Variants in PCCA observed in about 807,000 individuals in gnomAD.
PCCA encodes propionyl-CoA carboxylase alpha chain, mitochondrial.
In PCCA, 74 loss-of-function variants were observed where a neutral mutation model predicts 101.3. The observed-to-expected ratio is 0.73, with a 90% CI of 0.61 to 0.89. The LOEUF (loss-of-function observed/expected upper bound fraction) is 0.89, where lower values mean the gene tolerates loss of function less well. PCCA is among the 40% of genes least tolerant of loss of function. The pLI is 0.00. For synonymous variants in PCCA, 294 were observed against 313.6 expected (o/e 0.94, Z 0.66); for missense variants, 891 against 907.0 (o/e 0.98, Z 0.23).
At chr13:100,234,727 G>T (rs1208769471) in intron 7 of PCCA, among the ~76,000 whole-genome samples, 1 of 151,354 alleles carries the variant, frequency 6.6e-6, no homozygotes, top group Non-Finnish European at 1.5e-5. Context: ...TTCTGACATG[G>T]TTGCTCTACA....
chr13:100,468,784 G>A (rs2082732529), intron 21 of PCCA, among the ~76,000 whole-genome samples: 1 of 152,164 alleles, frequency 6.6e-6, no homozygotes, highest in South Asian at 2.1e-4. Flanking sequence ...CAGCACTTTG[G>A]GAGGCCGAGA....
intron 21 of PCCA, among the ~76,000 whole-genome samples, chr13:100,510,716 G>T (rs2086417247): frequency 6.6e-6 from 1 of 152,210 alleles, no homozygotes; most frequent in Non-Finnish European, 1.5e-5. Context: ...TAGAGCTGTA[G>T]ATATGCTGTC....
In PCCA at chr13:100,330,542, G is replaced by T; in HGVS notation, c.1430-19G>T. 1 of 1,375,152 alleles carries T rather than the reference G, an allele frequency of 7.3e-7. No homozygotes were observed. The highest frequency in any genetic ancestry group is 1.2e-5 in the South Asian group (1 of 86,222). The allele number at this position is 1,375,152 out of a possible 1,614,324, so 85.2% of individuals were successfully genotyped here. A position where few individuals can be genotyped will look rare whatever the true frequency, so the allele number is the denominator to read the frequency against. Reference sequence around the variant, plus strand: ...TCACTGATTCATTGTTCTTCAATTTGATATCATTTTACTTTTAGGTGTTAC... The same window carrying T: ...TCACTGATTCATTGTTCTTCAATTTTATATCATTTTACTTTTAGGTGTTAC... On this transcript the variant is annotated intron_variant, in intron 16 of 23. Transcript: ENST00000376285.
intron 21 of PCCA, among the ~76,000 whole-genome samples, chr13:100,501,184 A>G (rs2085642023): frequency 6.6e-6 from 1 of 152,216 alleles, no homozygotes; most frequent in Admixed American, 6.5e-5. Flanking sequence ...AGATTTTTCT[A>G]CCTAGAACAA....
At chr13:100,265,807 C>T (rs1329566478) in intron 10 of PCCA, among the ~76,000 whole-genome samples, 1 of 150,686 alleles carries the variant, frequency 6.6e-6, no homozygotes, top group Non-Finnish European at 1.5e-5. Context: ...GAAGGTAGAC[C>T]AGATTTTCTA....
chr13:100,223,546 C>T (rs1218486773), intron 7 of PCCA, among the ~76,000 whole-genome samples: 1 of 152,108 alleles, frequency 6.6e-6, no homozygotes, highest in Non-Finnish European at 1.5e-5. Context: ...CTCATAAAGG[C>T]AGAGTGGACC....
chr13:100,444,993 A>T (rs1313810771), intron 20 of PCCA, among the ~76,000 whole-genome samples: 3 of 152,186 alleles, frequency 2.0e-5, no homozygotes, highest in Non-Finnish European at 2.9e-5. Flanking sequence ...GAAAAAGTTT[A>T]TTTGGCTCGT....
At chr13:100,355,879 T>C (rs1456353267) in intron 18 of PCCA, among the ~76,000 whole-genome samples, 1 of 152,112 alleles carries the variant, frequency 6.6e-6, no homozygotes, top group African/African-American at 2.4e-5. Context: ...ACTACAAAGC[T>C]ACAATAATCA....
chr13:100,453,461 C>A (rs2081481843), intron 21 of PCCA, among the ~76,000 whole-genome samples: 1 of 142,274 alleles, frequency 7.0e-6, no homozygotes, highest in South Asian at 2.4e-4. Context: ...GACATTGCAA[C>A]CACTACACTC....
At chr13:100,336,377 A>T (rs1020020219) in intron 17 of PCCA, among the ~76,000 whole-genome samples, 2 of 152,230 alleles carry the variant, frequency 1.3e-5, no homozygotes, top group Non-Finnish European at 2.9e-5. Context: ...CGGGAAATAC[A>T]CAGGTCAGGC....
At chr13:100,093,207 A>G (rs1415602726) in intron 1 of PCCA, among the ~76,000 whole-genome samples, 1 of 152,224 alleles carries the variant, frequency 6.6e-6, no homozygotes, top group African/African-American at 2.4e-5. Context: ...CGCAGGAGCC[A>G]TGCTGAGGTG....
intron 19 of PCCA, 66 bp downstream of exon 19, chr13:100,368,640 T>C (rs2075374909): frequency 1.0e-6 from 1 of 990,766 alleles, no homozygotes; most frequent in Non-Finnish European, 1.6e-6. Context: ...AAGCCATTTT[T>C]AACCTGTTCA....
chr13:100,350,567 A>C (rs922328976), intron 18 of PCCA, among the ~76,000 whole-genome samples: 1 of 152,214 alleles, frequency 6.6e-6, no homozygotes, highest in Admixed American at 6.5e-5. Context: ...TTAGAAATCT[A>C]TGTGAGATTA....
chr13:100,308,114 A>G (rs756693285), intron 15 of PCCA, among the ~76,000 whole-genome samples: 17 of 152,206 alleles, frequency 1.1e-4, no homozygotes, highest in South Asian at 6.2e-4. Context: ...CGGCCTCCCA[A>G]AGTTCTGGGA....
At position 100,150,259 on chromosome 13, in the gene PCCA, C is replaced by G. The variant is rs563288266; in HGVS notation, c.301-4720C>G. On this transcript the variant is annotated intron_variant, in intron 4 of 23. Coordinates refer to ENST00000376285, the MANE Select transcript of PCCA (RefSeq NM_000282.4). Reference sequence around the variant, plus strand: ...ATGTTGGTCAGGCTGGTCTTGAACCCCTGACCTTGTGATCCACCCGCCTCG... The same window carrying G: ...ATGTTGGTCAGGCTGGTCTTGAACCGCTGACCTTGTGATCCACCCGCCTCG... Among the ~76,000 whole-genome samples the G allele has an allele frequency of 6.6e-3, 1,011 of 152,182 alleles. 14 individuals are homozygous for G. Among genetic ancestry groups the G allele is most frequent in the African/African-American group, 0.015 (637 of 41,534 alleles).
chr13:100,526,049 C>T (rs950613987), intron 22 of PCCA, among the ~76,000 whole-genome samples: 4 of 152,244 alleles, frequency 2.6e-5, no homozygotes, highest in Non-Finnish European at 4.4e-5. Context: ...CACGGCCAGG[C>T]TTCCAGGGTC....
At chr13:100,314,528 T>C (rs566714864) in intron 16 of PCCA, among the ~76,000 whole-genome samples, 1 of 152,320 alleles carries the variant, frequency 6.6e-6, no homozygotes, top group African/African-American at 2.4e-5. Context: ...TCTGGCCACC[T>C]GCTCCCATCC....
chr13:100,294,441 G>A (rs181705958), intron 12 of PCCA, among the ~76,000 whole-genome samples: 23 of 151,874 alleles, frequency 1.5e-4, no homozygotes, highest in African/African-American at 3.9e-4. Context: ...TTCCGTTTTC[G>A]TGGTCACTCT....
At chr13:100,349,426 C>T (rs1199851687) in intron 18 of PCCA, among the ~76,000 whole-genome samples, 3 of 152,088 alleles carry the variant, frequency 2.0e-5, no homozygotes, top group East Asian at 1.9e-4. Context: ...CGTGCCTGGC[C>T]TAATTTTTGT....
Sources: gnomAD v4.1 joint callset for allele counts (sites outside exome capture counted in the v4.1 genomes callset) on GRCh38, gnomAD v4.1.1 for gene constraint, MANE v1.5 for transcripts, NCBI Gene and HGNC (gene_info 2026-07-23, HGNC 2026-07-21) for gene names.